Variants in FOXP2 observed in about 807,000 individuals in gnomAD.
FOXP2 encodes forkhead box protein P2.
Under a neutral mutation model 115.8 loss-of-function variants are expected in FOXP2, and 12 were observed. The observed-to-expected ratio is 0.10, with a 90% CI of 0.07 to 0.17. The LOEUF (loss-of-function observed/expected upper bound fraction) is 0.17. Among genes scored for constraint, FOXP2 ranks in the 10% least tolerant of loss-of-function variants. FOXP2 has a pLI of 1.00. For synonymous variants in FOXP2, 328 were observed against 297.7 expected, an observed-to-expected ratio of 1.10 and a Z score of -1.05; for missense variants, 629 against 843.5, an observed-to-expected ratio of 0.75 and a Z score of 3.15.
chr7:114,227,484 T>C (rs893252083), intron 1 of FOXP2, among the ~76,000 whole-genome samples: 1 of 152,036 alleles, frequency 6.6e-6, no homozygotes, highest in Admixed American at 6.6e-5. Flanking sequence ...CTTAAAAATA[T>C]ATTGCTTGCA....
intron 2 of FOXP2, among the ~76,000 whole-genome samples, chr7:114,533,000 T>A (rs892251511): frequency 6.6e-6 from 1 of 151,906 alleles, no homozygotes; most frequent in Non-Finnish European, 1.5e-5. Flanking sequence ...AATTACAGAT[T>A]TTTTTGTTTG....
intron 2 of FOXP2, among the ~76,000 whole-genome samples, chr7:114,528,058 A>G (rs944475663): frequency 6.6e-6 from 1 of 152,100 alleles, no homozygotes; most frequent in African/African-American, 2.4e-5. Context: ...TACCTGCTAT[A>G]TAACATGAAG....
At chr7:114,114,376 A>T (rs1472029943) in intron 1 of FOXP2, among the ~76,000 whole-genome samples, 1 of 151,986 alleles carries the variant, frequency 6.6e-6, no homozygotes, top group Non-Finnish European at 1.5e-5. Flanking sequence ...ACTTGGGAAT[A>T]ATGAGTGATA....
At chr7:114,271,421 A>G (rs1417758393) in intron 1 of FOXP2, among the ~76,000 whole-genome samples, 1 of 145,518 alleles carries the variant, frequency 6.9e-6, no homozygotes, top group Non-Finnish European at 1.5e-5. Context: ...GATTTCATAG[A>G]TGTTCTTTAT....
chr7:114,452,027 A>G lies in FOXP2; in HGVS notation c.168+25348A>G, dbSNP rs188084736. ...TAAACTTTCTTATTTTTCTTTTCTA[A>G]CCCCATAGATCAGACACATATTTGT... On this transcript the variant is annotated intron_variant, in intron 2 of 16. Transcript: ENST00000350908. Among the ~76,000 whole-genome samples the G allele has an allele frequency of 3.3e-5, 5 of 151,974 alleles. No homozygotes were observed. The East Asian group carries it at 9.7e-4, about 29-fold the overall frequency.
intron 3 of FOXP2, among the ~76,000 whole-genome samples, chr7:114,566,000 G>T (rs1427061703): frequency 6.6e-6 from 1 of 152,062 alleles, no homozygotes; most frequent in Non-Finnish European, 1.5e-5. Flanking sequence ...AAATGGACTG[G>T]AGAAGGATGA....
intron 2 of FOXP2, among the ~76,000 whole-genome samples, chr7:114,346,436 G>A (rs949990287): frequency 2.2e-4 from 34 of 151,776 alleles, no homozygotes; most frequent in African/African-American, 8.2e-4. Flanking sequence ...TGAGTGTATA[G>A]TCAATGGAAA....
At chr7:114,389,580 G>A (rs765103821) in intron 2 of FOXP2, among the ~76,000 whole-genome samples, 24 of 152,086 alleles carry the variant, frequency 1.6e-4, no homozygotes, top group Non-Finnish European at 3.2e-4. Context: ...TTGAGAAAGG[G>A]CATATGAAGA....
At chr7:114,241,757 A>G (rs367622558) in intron 1 of FOXP2, among the ~76,000 whole-genome samples, 1 of 136,900 alleles carries the variant, frequency 7.3e-6, no homozygotes, top group African/African-American at 2.7e-5. Context: ...TTTTTTTTTT[A>G]TTCTATCGGT....
At chr7:114,210,564 G>A (rs1164194270) in intron 1 of FOXP2, among the ~76,000 whole-genome samples, 1 of 152,152 alleles carries the variant, frequency 6.6e-6, no homozygotes, top group African/African-American at 2.4e-5. Context: ...TTACCTGCCT[G>A]AATACAACTG....
At chr7:114,518,151 A>G (rs1021741664) in intron 2 of FOXP2, among the ~76,000 whole-genome samples, 9 of 152,156 alleles carry the variant, frequency 5.9e-5, no homozygotes, top group African/African-American at 1.4e-4. Flanking sequence ...GACTTCTATT[A>G]TAAGTCTGTA....
chr7:114,172,416 A>T (rs1793172180), intron 1 of FOXP2, among the ~76,000 whole-genome samples: 2 of 152,168 alleles, frequency 1.3e-5, no homozygotes, highest in African/African-American at 4.8e-5. Flanking sequence ...TCTCTATGAT[A>T]TTTTAATGTT....
intron 16 of FOXP2, among the ~76,000 whole-genome samples, chr7:114,679,804 T>G (rs1807990833): frequency 6.6e-6 from 1 of 152,192 alleles, no homozygotes. Context: ...ACTGATTGAA[T>G]TGTCAGAATT....
intron 1 of FOXP2, among the ~76,000 whole-genome samples, chr7:114,197,175 A>G (rs1194837728): frequency 6.9e-6 from 1 of 145,162 alleles, no homozygotes; most frequent in African/African-American, 2.6e-5. Context: ...TCCAGCCTCG[A>G]CTACACAGTG....
intron 1 of FOXP2, among the ~76,000 whole-genome samples, chr7:114,212,698 C>A (rs776207398): frequency 6.6e-6 from 1 of 151,932 alleles, no homozygotes; most frequent in Non-Finnish European, 1.5e-5. Context: ...AGTCTTAAGG[C>A]AACTTAGAAT....
At chr7:114,123,902 G>A (rs1283714381) in intron 1 of FOXP2, among the ~76,000 whole-genome samples, 3 of 151,956 alleles carry the variant, frequency 2.0e-5, no homozygotes. Flanking sequence ...CAGAATCCAT[G>A]CTTCTCGGAA....
chr7:114,534,541 T>C, intron 2 of FOXP2, 76 bp from the exon 3 acceptor site: 6 of 1,189,216 alleles, frequency 5.0e-6, no homozygotes, highest in Non-Finnish European at 7.6e-6. Context: ...TTGAAGCCTT[T>C]TACTATTAAC....
chr7:114,479,737 G>GT (rs1430598640), intron 2 of FOXP2, among the ~76,000 whole-genome samples: 3 of 151,496 alleles, frequency 2.0e-5, no homozygotes, highest in East Asian at 3.9e-4. Context: ...TATTATTCCT[G>GT]TTTTTTCAGA....
chr7:114,581,899 G>C (rs1055074039), intron 3 of FOXP2, among the ~76,000 whole-genome samples: 10 of 152,144 alleles, frequency 6.6e-5, no homozygotes, highest in African/African-American at 2.4e-4. Flanking sequence ...CATTACATTT[G>C]GCAAGAGTGT....
Sources: gnomAD v4.1 joint callset for allele counts (sites outside exome capture counted in the v4.1 genomes callset) on GRCh38, gnomAD v4.1.1 for gene constraint, MANE v1.5 for transcripts, NCBI Gene and HGNC (gene_info 2026-07-23, HGNC 2026-07-21) for gene names.